Variants in RLF observed in about 807,000 individuals in gnomAD.
RLF encodes the protein RLF zinc finger, also known as zinc finger protein Rlf.
RLF carries 7 observed loss-of-function variants against 162.9 expected under a neutral mutation model. The observed-to-expected ratio is 0.04, with a 90% confidence interval of 0.02 to 0.08. The LOEUF (loss-of-function observed/expected upper bound fraction) is 0.08. RLF is among the 10% of genes least tolerant of loss of function. The pLI is 1.00. For synonymous variants in RLF, 782 were observed against 791.5 expected, an observed-to-expected ratio of 0.99 and a Z score of 0.20; for missense variants, 1,664 against 2,244.7, an observed-to-expected ratio of 0.74 and a Z score of 5.23.
At chr1:40,214,553 A>G (rs1399016913) in intron 5 of RLF, among the ~76,000 whole-genome samples, 1 of 152,148 alleles carries the variant, frequency 6.6e-6, no homozygotes, top group African/African-American at 2.4e-5. Context: ...CAAGTAGGCT[A>G]ATACACAAAT....
chr1:40,240,620 T>C lies in RLF; in HGVS notation c.*173T>C. The C allele has an allele frequency of 1.8e-6, 1 of 567,456 alleles. No homozygotes were observed. The highest frequency in any genetic ancestry group is 3.1e-6 in the Non-Finnish European group (1 of 320,450). The allele number at this position is 567,456 out of a possible 1,614,324, so 35.2% of individuals were successfully genotyped here. On this transcript the variant is annotated 3_prime_UTR_variant, in exon 8 of 8. Coordinates refer to ENST00000372771, the MANE Select transcript of RLF (RefSeq NM_012421.4). ...CAGTATTGGCTGAGTCCATTAGCTCTCCAGTTGGTTTAATGATTGGGTTTA... is the reference window on the plus strand; with the variant it reads ...CAGTATTGGCTGAGTCCATTAGCTCCCCAGTTGGTTTAATGATTGGGTTTA...
chr1:40,229,446 A>ATTTTTTT (rs1643123961), intron 6 of RLF, among the ~76,000 whole-genome samples: 1 of 123,634 alleles, frequency 8.1e-6, no homozygotes. Context: ...TTATTCATTT[A>ATTTTTTT]TCTTTTTTTT....
chr1:40,229,090 G>A (rs1237570651), intron 6 of RLF, among the ~76,000 whole-genome samples: 2 of 152,164 alleles, frequency 1.3e-5, no homozygotes, highest in Non-Finnish European at 2.9e-5. Context: ...CAGCCCTGCA[G>A]TAAATTTTAG....
At chr1:40,166,940 A>G (rs1048502742) in intron 1 of RLF, among the ~76,000 whole-genome samples, 1 of 152,082 alleles carries the variant, frequency 6.6e-6, no homozygotes, top group Non-Finnish European at 1.5e-5. Context: ...CCAACATGGC[A>G]CATGTGTGCA....
chr1:40,211,233 T>A (rs1415418541), intron 5 of RLF, among the ~76,000 whole-genome samples: 1 of 151,976 alleles, frequency 6.6e-6, no homozygotes, highest in East Asian at 1.9e-4. Context: ...TTAATATCGG[T>A]TGGTCTAACC....
chr1:40,186,570 A>G (rs1487526722), intron 1 of RLF, among the ~76,000 whole-genome samples: 1 of 152,154 alleles, frequency 6.6e-6, no homozygotes, highest in African/African-American at 2.4e-5. Context: ...TGGATTGTGG[A>G]AAGACTAACC....
chr1:40,222,374 CTG>C (rs1643011695), intron 5 of RLF, among the ~76,000 whole-genome samples, 198 bp from the exon 6 acceptor site: 1 of 152,154 alleles, frequency 6.6e-6, no homozygotes, highest in African/African-American at 2.4e-5. Context: ...TGTATTGAGA[CTG>C]TAGTAGAACT....
chr1:40,240,429 T>G lies in RLF; in HGVS notation c.5727T>G (p.Leu1909=). 6.2e-7 allele frequency: 1 copy of G among 1,613,242 alleles called. No homozygotes were observed. Among genetic ancestry groups the G allele is most frequent in the Non-Finnish European group, 8.5e-7 (1 of 1,179,580 alleles). The change falls in exon 8 of 8, where the codon CTT becomes CTG. Residue 1909 remains leucine, a synonymous_variant. Transcript: ENST00000372771. ...DLFPTKKTDE[L]CVGSS Reference sequence around the variant, plus strand: ...TTCCAACAAAAAAGACAGATGAGCTTTGTGTAGGAAGTTCATAAGTAGCAA... The same window carrying G: ...TTCCAACAAAAAAGACAGATGAGCTGTGTGTAGGAAGTTCATAAGTAGCAA...
chr1:40,218,748 G>T (rs1324536278), intron 5 of RLF, among the ~76,000 whole-genome samples: 3 of 151,952 alleles, frequency 2.0e-5, no homozygotes, highest in African/African-American at 7.3e-5. Flanking sequence ...TTATCTTATA[G>T]TTATTTTTCA....
chr1:40,202,678 A>G (rs1186383826), intron 5 of RLF, 64 bp downstream of exon 5: 3 of 973,398 alleles, frequency 3.1e-6, no homozygotes, highest in Non-Finnish European at 4.4e-6. Context: ...TATATATTGC[A>G]TGGTTTATTT....
intron 1 of RLF, among the ~76,000 whole-genome samples, chr1:40,172,479 C>T (rs1201799019): frequency 1.3e-5 from 2 of 152,092 alleles, no homozygotes; most frequent in African/African-American, 4.8e-5. Context: ...AATATAAATT[C>T]CTGGAATTGA....
chr1:40,212,734 G>A (rs534015742), intron 5 of RLF, among the ~76,000 whole-genome samples: 2 of 152,214 alleles, frequency 1.3e-5, no homozygotes, highest in East Asian at 3.9e-4. Context: ...TTCCTGATGG[G>A]GAAAGGAAAG....
chr1:40,217,273 C>G lies in RLF; in HGVS notation c.811-5301C>G, dbSNP rs554261842. Among the ~76,000 whole-genome samples, 3 of 152,182 alleles carry G rather than the reference C, an allele frequency of 2.0e-5. No homozygotes were observed. The East Asian group carries it at 5.8e-4, about 29-fold the overall frequency. ...TTGAGGCCAGGAGTTCAAGACCAAC[C>G]TCGGCAACAATATGAAACTCCATCT... On this transcript the variant is annotated intron_variant, in intron 5 of 7. Coordinates refer to ENST00000372771, the MANE Select transcript of RLF (RefSeq NM_012421.4).
chr1:40,178,632 G>GTTTTT (rs57391266), intron 1 of RLF, among the ~76,000 whole-genome samples: 1 of 88,410 alleles, frequency 1.1e-5, no homozygotes, highest in African/African-American at 3.9e-5. Flanking sequence ...TTTTTTTTTT[G>GTTTTT]TTTTTTTTTT....
intron 1 of RLF, among the ~76,000 whole-genome samples, chr1:40,164,062 T>G (rs1034468202): frequency 6.6e-6 from 1 of 152,212 alleles, no homozygotes; most frequent in Non-Finnish European, 1.5e-5. Context: ...ACTGATTGTG[T>G]GACAGTTCTG....
At chr1:40,176,876 A>G (rs10736396) in intron 1 of RLF, among the ~76,000 whole-genome samples, 151,552 of 152,306 alleles carry the variant, frequency 1, 75,410 homozygotes, top group Non-Finnish European at 1. Context: ...TGTTGTGTTT[A>G]TGTTTCTGAT....
intron 5 of RLF, among the ~76,000 whole-genome samples, chr1:40,217,645 G>A (rs776377885): frequency 1.3e-5 from 2 of 152,052 alleles, no homozygotes; most frequent in African/African-American, 2.4e-5. Flanking sequence ...GGGAGCGTAC[G>A]CCTGTAGTCT....
In RLF at chr1:40,240,729, T is replaced by G; in HGVS notation, c.*282T>G. The G allele has an allele frequency of 3.0e-6, 1 of 331,932 alleles. No individual in the cohort carries two copies. Among genetic ancestry groups the G allele is most frequent in the South Asian group, 3.9e-5 (1 of 25,828 alleles). The allele number at this position is 331,932 out of a possible 1,614,324, so 20.6% of individuals were successfully genotyped here. On this transcript the variant is annotated 3_prime_UTR_variant, in exon 8 of 8. Coordinates refer to ENST00000372771, the MANE Select transcript of RLF (RefSeq NM_012421.4). ...TACATCAAAATATACTGGGGCTTCC[T>G]TTTTCAAATTAAGTGTGCATGATTG...
chr1:40,204,274 CAAA>C (rs1642759421), intron 5 of RLF, among the ~76,000 whole-genome samples: 1 of 152,122 alleles, frequency 6.6e-6, no homozygotes, highest in African/African-American at 2.4e-5. Context: ...CTCGGCCTCC[CAAA>C]GTGCTGGGAT....
Sources: gnomAD v4.1 joint callset for allele counts (sites outside exome capture counted in the v4.1 genomes callset) on GRCh38, gnomAD v4.1.1 for gene constraint, MANE v1.5 for transcripts, NCBI Gene and HGNC (gene_info 2026-07-23, HGNC 2026-07-21) for gene names.